The following SPAG16 variants were observed in gnomAD, a reference collection of about 807,000 sequenced individuals.
SPAG16 encodes the protein sperm associated antigen 16.
A neutral mutation model predicts 80.4 loss-of-function variants in SPAG16; 86 were observed. That is an observed-to-expected ratio of 1.07 (90% CI 0.90 to 1.28). SPAG16 has a LOEUF of 1.28. SPAG16 is among the 50% of genes most tolerant of loss of function. SPAG16 has a pLI of 0.00. For synonymous variants in SPAG16, 294 were observed against 265.9 expected (o/e 1.11, Z -1.03); for missense variants, 870 against 765.3 (o/e 1.14, Z -1.61).
chr2:213,953,030 A>G lies in SPAG16; in HGVS notation c.1400+22885A>G, dbSNP rs544522909. On this transcript the variant is annotated intron_variant, in intron 12 of 15. Coordinates refer to ENST00000331683, the MANE Select transcript of SPAG16 (RefSeq NM_024532.5). ...CCAAAGAAAATGATATAGAACACATATAATTGCTTTCTACTAGTCATGAAA... is the reference window on the plus strand; with the variant it reads ...CCAAAGAAAATGATATAGAACACATGTAATTGCTTTCTACTAGTCATGAAA... Among the ~76,000 whole-genome samples, 50 of 152,200 alleles carry G rather than the reference A, an allele frequency of 3.3e-4. No individual in the cohort carries two copies. The South Asian group carries it at 0.01, about 32-fold the overall frequency.
At chr2:214,026,716 A>G (rs1236258905) in intron 13 of SPAG16, among the ~76,000 whole-genome samples, 7 of 151,530 alleles carry the variant, frequency 4.6e-5, no homozygotes, top group African/African-American at 1.7e-4. Context: ...AGACTAGCCT[A>G]CCGGTTATTA....
intron 10 of SPAG16, among the ~76,000 whole-genome samples, chr2:213,588,663 G>A (rs2060558254): frequency 6.6e-6 from 1 of 150,812 alleles, no homozygotes; most frequent in Admixed American, 6.6e-5. Context: ...TCAGCCGGGC[G>A]CGGTGGCGGG....
chr2:213,351,921 A>C (rs2065349828), intron 7 of SPAG16, among the ~76,000 whole-genome samples: 1 of 152,022 alleles, frequency 6.6e-6, no homozygotes. Flanking sequence ...AATCATCCCC[A>C]CGTGTCAAGG....
intron 9 of SPAG16, among the ~76,000 whole-genome samples, chr2:213,431,985 A>G (rs1015348372): frequency 1.4e-4 from 22 of 152,108 alleles, no homozygotes; most frequent in African/African-American, 4.8e-4. Flanking sequence ...ATTTAAAAAC[A>G]TGCTGCTAAA....
At position 214,355,254 on chromosome 2, in the gene SPAG16, A is replaced by G. The variant is rs936925503; in HGVS notation, c.1721-54886A>G. Among the ~76,000 whole-genome samples the G allele has an allele frequency of 5.6e-5, 8 of 143,518 alleles. No homozygotes were observed. In the South Asian group the frequency reaches 2.0e-3, roughly 35 times the overall value. The allele number at this position is 143,518 out of a possible 152,430, so 94.2% of individuals were successfully genotyped here. The stretch of plus-strand genomic sequence containing the variant: ...CAGGCAACCTACAAAATGGGAGAAA[A>G]TTTTCGCAACCTACTCATCTGACAA... On this transcript the variant is annotated intron_variant, in intron 15 of 15. Transcript: ENST00000331683.
At chr2:214,195,902 C>A (rs2057823431) in intron 15 of SPAG16, among the ~76,000 whole-genome samples, 1 of 151,986 alleles carries the variant, frequency 6.6e-6, no homozygotes, top group Non-Finnish European at 1.5e-5. Context: ...CAACTGCTAT[C>A]TTCCAGGATC....
At chr2:214,368,892 A>ATCACC (rs1244050213) in intron 15 of SPAG16, among the ~76,000 whole-genome samples, 1 of 152,030 alleles carries the variant, frequency 6.6e-6, no homozygotes, top group Non-Finnish European at 1.5e-5. Flanking sequence ...ACAATTCTTT[A>ATCACC]TCACCTCTAC....
At chr2:213,960,060 G>A (rs1372027907) in intron 12 of SPAG16, among the ~76,000 whole-genome samples, 1 of 152,034 alleles carries the variant, frequency 6.6e-6, no homozygotes, top group East Asian at 1.9e-4. Context: ...CATAGGCTCT[G>A]TTTAATATTT....
chr2:214,332,210 C>G (rs760194055), intron 15 of SPAG16, among the ~76,000 whole-genome samples: 4 of 152,180 alleles, frequency 2.6e-5, no homozygotes, highest in Non-Finnish European at 5.9e-5. Context: ...CAAGATCACA[C>G]CACTGCACTC....
chr2:213,875,074 T>A (rs1013739793), intron 11 of SPAG16, among the ~76,000 whole-genome samples: 1 of 151,762 alleles, frequency 6.6e-6, no homozygotes, highest in Non-Finnish European at 1.5e-5. Flanking sequence ...CCATACGACC[T>A]GGGACTACAG....
chr2:213,349,967 A>C (rs1327105375), intron 6 of SPAG16, among the ~76,000 whole-genome samples: 1 of 152,228 alleles, frequency 6.6e-6, no homozygotes, highest in African/African-American at 2.4e-5. Flanking sequence ...TTACACTTCA[A>C]TAAAAAGATT....
intron 9 of SPAG16, among the ~76,000 whole-genome samples, chr2:213,462,646 C>G (rs1160729751): frequency 6.6e-6 from 1 of 152,108 alleles, no homozygotes; most frequent in Non-Finnish European, 1.5e-5. Context: ...CTGACATTTC[C>G]CCTGCATGCA....
At chr2:213,579,584 T>A (rs1401503533) in intron 10 of SPAG16, among the ~76,000 whole-genome samples, 11 of 152,174 alleles carry the variant, frequency 7.2e-5, no homozygotes, top group African/African-American at 2.7e-4. Flanking sequence ...TTAAAAATGA[T>A]CTCTTCATAC....
At chr2:213,576,085 G>A (rs577963112) in intron 10 of SPAG16, among the ~76,000 whole-genome samples, 1 of 152,152 alleles carries the variant, frequency 6.6e-6, no homozygotes, top group African/African-American at 2.4e-5. Context: ...AATCCATCAT[G>A]AGTTAATTTT....
chr2:213,495,876 C>T (rs1470169447), intron 10 of SPAG16, among the ~76,000 whole-genome samples: 2 of 152,078 alleles, frequency 1.3e-5, no homozygotes, highest in African/African-American at 4.8e-5. Context: ...AGGGGTCCGG[C>T]ATGGACAGAA....
chr2:213,354,403 G>A (rs1038996308), intron 7 of SPAG16, among the ~76,000 whole-genome samples: 5 of 152,106 alleles, frequency 3.3e-5, no homozygotes, highest in South Asian at 2.1e-4. Context: ...TATATACCCC[G>A]TAATGGGATT....
At chr2:214,143,395 G>A (rs2055470813) in intron 14 of SPAG16, among the ~76,000 whole-genome samples, 1 of 151,728 alleles carries the variant, frequency 6.6e-6, no homozygotes, top group African/African-American at 2.4e-5. Context: ...ATCTTGACCA[G>A]GGTCCTTCCA....
chr2:214,204,107 C>T (rs2058081816), intron 15 of SPAG16, among the ~76,000 whole-genome samples: 1 of 152,140 alleles, frequency 6.6e-6, no homozygotes, highest in African/African-American at 2.4e-5. Flanking sequence ...CAGCCATAAT[C>T]CCTCTGGGAA....
At chr2:214,264,615 A>C (rs2125879473) in intron 15 of SPAG16, among the ~76,000 whole-genome samples, 1 of 152,270 alleles carries the variant, frequency 6.6e-6, no homozygotes, top group Admixed American at 6.5e-5. Flanking sequence ...CTGATGAAGT[A>C]ATATTGATAT....
Sources: gnomAD v4.1 joint callset for allele counts (sites outside exome capture counted in the v4.1 genomes callset) on GRCh38, gnomAD v4.1.1 for gene constraint, MANE v1.5 for transcripts, NCBI Gene and HGNC (gene_info 2026-07-23, HGNC 2026-07-21) for gene names.